POLA1: variants seen among roughly 807,000 people sequenced by gnomAD.
The protein encoded by POLA1 is DNA polymerase alpha catalytic subunit.
In POLA1, 15 loss-of-function variants were observed where a neutral mutation model predicts 124.0. That is an observed-to-expected ratio of 0.12 (90% CI 0.08 to 0.19). The LOEUF (loss-of-function observed/expected upper bound fraction) is 0.19, where lower values mean the gene tolerates loss of function less well. Among genes scored for constraint, POLA1 ranks in the 10% least tolerant of loss-of-function variants. The pLI is 1.00. For synonymous variants in POLA1, 408 were observed against 389.4 expected (o/e 1.05, Z -0.56); for missense variants, 886 against 1,103.4 (o/e 0.80, Z 2.79).
chrX:24,922,245 A>AT (rs11289063), intron 35 of POLA1, among the ~76,000 whole-genome samples: 150 of 97,724 alleles, frequency 1.5e-3, no homozygotes, highest in Non-Finnish European at 2.2e-3. Flanking sequence ...CAACTAGTTT[A>AT]TTTTTTTTTT....
intron 11 of POLA1, among the ~76,000 whole-genome samples, chrX:24,723,568 A>G (rs1930338879): frequency 8.9e-6 from 1 of 112,964 alleles, no homozygotes; most frequent in Non-Finnish European, 1.9e-5. Context: ...GGTTGGAACT[A>G]TAAGTCTCTA....
At chrX:24,915,152 A>T (rs1432792786) in intron 35 of POLA1, among the ~76,000 whole-genome samples, 1 of 111,712 alleles carries the variant, frequency 9.0e-6, no homozygotes, top group Non-Finnish European at 1.9e-5. Context: ...TACTGCCTCC[A>T]GTGGCTTCTG....
At chrX:24,702,160 C>T (rs1928491734) in intron 2 of POLA1, among the ~76,000 whole-genome samples, 1 of 109,674 alleles carries the variant, frequency 9.1e-6, no homozygotes, top group Non-Finnish European at 1.9e-5. Context: ...CCTCCACCTC[C>T]CGGGTTCAAG....
chrX:24,907,458 C>A (rs1236684764), intron 35 of POLA1, among the ~76,000 whole-genome samples: 1 of 110,753 alleles, frequency 9.0e-6, no homozygotes, highest in Non-Finnish European at 1.9e-5. Flanking sequence ...CCAGGTAAAG[C>A]ATAATAAAAT....
chrX:24,949,182 C>T (rs889045498), intron 36 of POLA1, among the ~76,000 whole-genome samples: 2 of 112,110 alleles, frequency 1.8e-5, no homozygotes, highest in Non-Finnish European at 3.8e-5. Context: ...CCAGAGGTCG[C>T]ATAGTAGCAG....
chrX:24,896,148 G>A (rs1356115506), intron 35 of POLA1, among the ~76,000 whole-genome samples: 4 of 111,752 alleles, frequency 3.6e-5, no homozygotes. Flanking sequence ...TTGCCCCCCA[G>A]GGAACATTTT....
intron 26 of POLA1, among the ~76,000 whole-genome samples, chrX:24,763,764 C>G (rs2148427728): frequency 8.9e-6 from 1 of 111,810 alleles, no homozygotes; most frequent in African/African-American, 3.3e-5. Flanking sequence ...TGAAAAATTT[C>G]CATTGAATTT....
chrX:24,758,041 G>A (rs974615674), intron 26 of POLA1, among the ~76,000 whole-genome samples: 1 of 111,112 alleles, frequency 9.0e-6, no homozygotes, highest in African/African-American at 3.3e-5. Flanking sequence ...TGAAAGTAAT[G>A]TTGGTACTTT....
chrX:24,930,448 T>C lies in POLA1; in HGVS notation c.4165-5T>C. The C allele has an allele frequency of 1.8e-6, 2 of 1,124,513 alleles. No homozygotes were observed. The highest frequency in any genetic ancestry group is 2.5e-6 in the Non-Finnish European group (2 of 816,001). 92.7% of individuals were successfully genotyped at this position (1,124,513 alleles called of 1,213,427 possible). On this transcript the variant is annotated splice_polypyrimidine_tract_variant and splice_region_variant and intron_variant, in intron 35 of 36. Coordinates refer to ENST00000379068, the MANE Select transcript of POLA1 (RefSeq NM_001330360.2). ...AGTATTCATTTATTTTCTGTTATAT[T>C]ACAGTATTCTGACAAGTCCCTGTAC...
chrX:24,923,547 C>A (rs775354886), intron 35 of POLA1, among the ~76,000 whole-genome samples: 1 of 111,882 alleles, frequency 8.9e-6, no homozygotes, highest in African/African-American at 3.2e-5. Flanking sequence ...TTAAGCCCAT[C>A]GTTATCAAGA....
At chrX:24,726,371 T>G (rs1348111012) in intron 13 of POLA1, among the ~76,000 whole-genome samples, 1 of 112,031 alleles carries the variant, frequency 8.9e-6, no homozygotes, top group African/African-American at 3.2e-5. Context: ...GTGTCCCTTA[T>G]GAGCAGTGGA....
chrX:24,971,174 A>G (rs1487391691), intron 36 of POLA1, among the ~76,000 whole-genome samples: 1 of 112,319 alleles, frequency 8.9e-6, no homozygotes, highest in Non-Finnish European at 1.9e-5. Flanking sequence ...CAAAGGGTCA[A>G]ATGAGCACCA....
At chrX:24,855,037 G>T (rs756489776) in intron 34 of POLA1, among the ~76,000 whole-genome samples, 6 of 111,519 alleles carry the variant, frequency 5.4e-5, no homozygotes, top group Admixed American at 1.9e-4. Flanking sequence ...GTTAACGGGG[G>T]AGAAAAGGAG....
intron 4 of POLA1, among the ~76,000 whole-genome samples, chrX:24,707,103 A>G (rs1426549371): frequency 3.6e-5 from 4 of 112,074 alleles, no homozygotes; most frequent in African/African-American, 6.5e-5. Context: ...AATGTGGCCA[A>G]TTGTGTATTT....
intron 34 of POLA1, among the ~76,000 whole-genome samples, chrX:24,871,434 G>A (rs184422110): frequency 2.7e-5 from 3 of 111,890 alleles, no homozygotes; most frequent in South Asian, 7.5e-4. Flanking sequence ...TTACTCAGCC[G>A]GGAGCACTTG....
At chrX:24,825,134 A>G (rs2046152324) in intron 31 of POLA1, among the ~76,000 whole-genome samples, 1 of 112,457 alleles carries the variant, frequency 8.9e-6, no homozygotes, top group African/African-American at 3.2e-5. Context: ...TCACCTTATT[A>G]TCATCTTAAC....
intron 34 of POLA1, among the ~76,000 whole-genome samples, chrX:24,883,077 T>G (rs770029467): frequency 1.8e-5 from 2 of 112,094 alleles, no homozygotes; most frequent in Admixed American, 1.9e-4. Context: ...TATTGTGGTT[T>G]TGATTTGCAT....
rs72623018 is a variant in POLA1, at chrX:24,927,543, A to G, written c.4165-2910A>G. Among the ~76,000 whole-genome samples the G allele has an allele frequency of 8.2e-4, 92 of 111,678 alleles. 1 individual carries two copies. The East Asian group carries it at 0.021, about 25-fold the overall frequency. ...CACTCCAAGTAACTAACTTGAATGC[A>G]GAGCGTGATACATACAGTAGCTATT... On this transcript the variant is annotated intron_variant, in intron 35 of 36. Transcript: ENST00000379068.
intron 27 of POLA1, among the ~76,000 whole-genome samples, chrX:24,810,251 A>G (rs2045876208): frequency 9.0e-6 from 1 of 111,460 alleles, no homozygotes; most frequent in Non-Finnish European, 1.9e-5. Context: ...TTCGTGTTCT[A>G]CTAAATACTG....
Sources: gnomAD v4.1 joint callset for allele counts (sites outside exome capture counted in the v4.1 genomes callset) on GRCh38, gnomAD v4.1.1 for gene constraint, MANE v1.5 for transcripts, NCBI Gene and HGNC (gene_info 2026-07-23, HGNC 2026-07-21) for gene names.